Variants in C1GALT1 observed in about 807,000 individuals in gnomAD.
C1GALT1 encodes the protein core 1 synthase, glycoprotein-N-acetylgalactosamine 3-beta-galactosyltransferase 1.
C1GALT1 carries 11 observed loss-of-function variants against 31.0 expected under a neutral mutation model. The ratio of observed to expected loss-of-function variants is 0.36; its 90% confidence interval spans 0.22 to 0.59. C1GALT1 has a LOEUF of 0.59. Ranked by LOEUF, C1GALT1 falls within the 20% of genes least tolerant of loss-of-function variation. The pLI is 0.79. For missense variants in C1GALT1, 424 were observed against 425.2 expected, an observed-to-expected ratio of 1.00 and a Z score of 0.03; for synonymous variants, 175 against 143.6, an observed-to-expected ratio of 1.22 and a Z score of -1.56.
chr7:7,238,129 G>C lies in C1GALT1; in HGVS notation c.221-126G>C. ...ATTAGGATGAGTTTGCTTTCCTTTG[G>C]CTAAATCACTAATAGAGGGATAAAT... On this transcript the variant is annotated intron_variant, in intron 2 of 3. Coordinates refer to ENST00000436587, the MANE Select transcript of C1GALT1 (RefSeq NM_020156.5). This position sits in a 1 kb window ranked among gnomAD's most constrained non-coding sequence, Gnocchi z 5.2. 1 of 930,800 alleles carries C rather than the reference G, an allele frequency of 1.1e-6. No individual in the cohort carries two copies. The highest frequency in any genetic ancestry group is 1.6e-6 in the Non-Finnish European group (1 of 638,962). The allele number at this position is 930,800 out of a possible 1,614,324, so 57.7% of individuals were successfully genotyped here. A position where few individuals can be genotyped will look rare whatever the true frequency, so the allele number is the denominator to read the frequency against.
intron 3 of C1GALT1, among the ~76,000 whole-genome samples, chr7:7,240,196 T>TA (rs1331006824): frequency 6.6e-6 from 1 of 152,228 alleles, no homozygotes; most frequent in Non-Finnish European, 1.5e-5. Context: ...TTGTTACAGC[T>TA]AGGAGGCTGC....
intron 2 of C1GALT1, among the ~76,000 whole-genome samples, chr7:7,164,390 A>C (rs17164166): frequency 0.021 from 3,216 of 152,278 alleles, 94 homozygotes; most frequent in African/African-American, 0.072. Context: ...GTCAAATTCT[A>C]TAACCTATTG....
intron 1 of C1GALT1, among the ~76,000 whole-genome samples, chr7:7,229,335 TAG>T (rs1209846829): frequency 1.3e-5 from 2 of 152,146 alleles, no homozygotes; most frequent in African/African-American, 2.4e-5. Flanking sequence ...TCAGAGGATG[TAG>T]AGAGTGACAA....
chr7:7,183,011 T>C lies in C1GALT1; in HGVS notation c.-18+191T>C, dbSNP rs111339091. Among the ~76,000 whole-genome samples, 10 of 152,126 alleles carry C rather than the reference T, an allele frequency of 6.6e-5. 1 individual carries two copies. The highest frequency in any genetic ancestry group is 2.4e-4 in the African/African-American group (10 of 41,522). On this transcript the variant is annotated intron_variant, in intron 1 of 3. Transcript: ENST00000436587. Reference sequence around the variant, plus strand: ...TGAGGAAGGCGCGAGGACTTCCCGCTCCCGGAGCCTTAGCGATCTGCCACA... The same window carrying C: ...TGAGGAAGGCGCGAGGACTTCCCGCCCCCGGAGCCTTAGCGATCTGCCACA...
intron 3 of C1GALT1, 109 bp downstream of exon 3, chr7:7,239,031 T>C: frequency 1.1e-6 from 1 of 878,566 alleles, no homozygotes; most frequent in Non-Finnish European, 1.7e-6. Context: ...CAAGGACTCT[T>C]CCTTAGTCTT....
intron 2 of C1GALT1, among the ~76,000 whole-genome samples, chr7:7,171,955 ATG>A (rs1780458207): frequency 6.6e-6 from 1 of 152,118 alleles, no homozygotes; most frequent in African/African-American, 2.4e-5. Context: ...ATTTTTATAT[ATG>A]TGTTTGTTAA....
intron 1 of C1GALT1, chr7:7,209,373 A>T (rs1421440631): frequency 6.6e-6 from 1 of 152,214 alleles, no homozygotes; most frequent in Admixed American, 6.5e-5. Context: ...TCTGCAGTTA[A>T]TGATGACTTT....
chr7:7,231,239 T>G (rs1489428570), intron 1 of C1GALT1, among the ~76,000 whole-genome samples: 2 of 152,240 alleles, frequency 1.3e-5, no homozygotes, highest in Non-Finnish European at 2.9e-5. Flanking sequence ...ATTACACCTT[T>G]GAAGTTTTTT....
intron 1 of C1GALT1, chr7:7,183,669 C>A (rs1055026342): frequency 3.5e-6 from 3 of 849,732 alleles, no homozygotes; most frequent in Non-Finnish European, 4.2e-6. Flanking sequence ...TTACCGTCTC[C>A]CCACCCCCCA....
rs890484267 is a variant in C1GALT1 at position 7,204,810 on chromosome 7, T to G, written c.-18+21990T>G. Among the ~76,000 whole-genome samples, 4 of 152,186 alleles carry G rather than the reference T, an allele frequency of 2.6e-5. No homozygotes were observed. In the East Asian group the frequency reaches 5.8e-4, roughly 22 times the overall value. On this transcript the variant is annotated intron_variant, in intron 1 of 3. Coordinates refer to ENST00000436587, the MANE Select transcript of C1GALT1 (RefSeq NM_020156.5). Reference sequence around the variant, plus strand: ...GTGATTGATTCTTCGCCCCATTGGTTGTTTGATTTCCACGCATTTGTGAAT... The same window carrying G: ...GTGATTGATTCTTCGCCCCATTGGTGGTTTGATTTCCACGCATTTGTGAAT...
intron 1 of C1GALT1, among the ~76,000 whole-genome samples, chr7:7,191,083 C>T (rs1781052206): frequency 6.6e-6 from 1 of 152,024 alleles, no homozygotes; most frequent in Non-Finnish European, 1.5e-5. Flanking sequence ...CGCTGTTTAT[C>T]TCCAGAACTC....
At chr7:7,235,586 T>C (rs983393571) in intron 2 of C1GALT1, among the ~76,000 whole-genome samples, 8 of 152,294 alleles carry the variant, frequency 5.3e-5, no homozygotes, top group African/African-American at 1.9e-4. Context: ...TCCCTACTAA[T>C]AGTAAGCCGT....
chr7:7,207,442 G>C (rs1455898780), intron 1 of C1GALT1, among the ~76,000 whole-genome samples: 1 of 143,596 alleles, frequency 7.0e-6, no homozygotes, highest in Non-Finnish European at 1.5e-5. Flanking sequence ...TTCCTGGGTA[G>C]CTGGGACTGT....
chr7:7,162,827 A>G (rs1490313299), intron 2 of C1GALT1, among the ~76,000 whole-genome samples: 3 of 152,118 alleles, frequency 2.0e-5, no homozygotes, highest in African/African-American at 7.2e-5. Context: ...GTGAGATGGT[A>G]TCTCATTGTG....
intron 2 of C1GALT1, among the ~76,000 whole-genome samples, chr7:7,159,140 G>A (rs1780304726): frequency 1.3e-5 from 2 of 152,250 alleles, no homozygotes; most frequent in East Asian, 3.9e-4. Context: ...AATCATGAAG[G>A]TGTTATAAAA....
chr7:7,196,953 G>A (rs192544711), intron 1 of C1GALT1, among the ~76,000 whole-genome samples: 1 of 152,164 alleles, frequency 6.6e-6, no homozygotes, highest in African/African-American at 2.4e-5. Flanking sequence ...CCCTTTATCA[G>A]ATGGGTAGAT....
intron 1 of C1GALT1, among the ~76,000 whole-genome samples, chr7:7,211,116 T>C (rs961553335): frequency 6.6e-6 from 1 of 152,134 alleles, no homozygotes; most frequent in Non-Finnish European, 1.5e-5. Context: ...AAGAATGGCA[T>C]GTCCATGTGT....
intron 1 of C1GALT1, among the ~76,000 whole-genome samples, chr7:7,196,477 G>A (rs188006677): frequency 9.2e-5 from 14 of 152,226 alleles, no homozygotes; most frequent in African/African-American, 2.9e-4. Context: ...TGGACATTTG[G>A]GTTGGTTCCA....
chr7:7,230,977 C>T (rs1256221089), intron 1 of C1GALT1, among the ~76,000 whole-genome samples: 1 of 152,042 alleles, frequency 6.6e-6, no homozygotes, highest in East Asian at 1.9e-4. Context: ...TATGACTCTC[C>T]CTTCCTTCCT....
Sources: gnomAD v4.1 joint callset for allele counts (sites outside exome capture counted in the v4.1 genomes callset) on GRCh38, gnomAD v4.1.1 for gene constraint, Gnocchi (gnomAD v3.1) non-coding constraint, MANE v1.5 for transcripts, NCBI Gene and HGNC (gene_info 2026-07-23, HGNC 2026-07-21) for gene names.